Variants in MEG3 observed in about 807,000 individuals in gnomAD.
The protein encoded by MEG3 is maternally expressed 3.
intron 3 of MEG3, chr14:100,851,996 T>C: frequency 4.5e-6 from 1 of 221,306 alleles, no homozygotes; most frequent in Non-Finnish European, 9.3e-6. Context: ...TTGGGACATA[T>C]AAAAACACTG....
chr14:100,859,496 C>T (rs923134594), exon 1 of MEG3: 2 of 152,198 alleles, frequency 1.3e-5, no homozygotes, highest in Non-Finnish European at 2.9e-5. Flanking sequence ...GCTCCTCCGC[C>T]CCCCATGCCC....
chr14:100,836,890 C>T (rs11160607), intron 2 of MEG3, among the ~76,000 whole-genome samples: 34,831 of 152,120 alleles, frequency 0.23, 4,240 homozygotes, highest in Admixed American at 0.28. Flanking sequence ...TGCAATGAGA[C>T]GGGAATGTTT....
exon 1 of MEG3, chr14:100,859,164 T>C (rs1446437523): frequency 1.3e-5 from 2 of 152,272 alleles, no homozygotes; most frequent in Non-Finnish European, 2.9e-5. Flanking sequence ...AGGGTTTAAA[T>C]GGCTGGAAAG....
chr14:100,854,850 C>A, upstream of MEG3: 1 of 152,848 alleles, frequency 6.5e-6, no homozygotes, highest in Non-Finnish European at 1.5e-5. Flanking sequence ...CACATGTGGC[C>A]TCAGTGGTGG....
intron 2 of MEG3, among the ~76,000 whole-genome samples, chr14:100,843,590 G>T (rs2037823305): frequency 6.6e-6 from 1 of 152,204 alleles, no homozygotes; most frequent in Admixed American, 6.5e-5. Flanking sequence ...GAAGGGCAAG[G>T]CCAGGGAAGG....
At chr14:100,841,562 G>T (rs1004002857) in intron 2 of MEG3, among the ~76,000 whole-genome samples, 1 of 152,212 alleles carries the variant, frequency 6.6e-6, no homozygotes, top group Non-Finnish European at 1.5e-5. Flanking sequence ...CTTGCCCGAG[G>T]TTGCACGGTG....
chr14:100,828,044 C>T (rs2037292455), intron 1 of MEG3, among the ~76,000 whole-genome samples: 1 of 152,106 alleles, frequency 6.6e-6, no homozygotes, highest in Non-Finnish European at 1.5e-5. Context: ...CACAGGTGGG[C>T]TCTGGCTGGT....
chr14:100,828,558 A>T (rs115965828), intron 1 of MEG3: 1,687 of 98,024 alleles, frequency 0.017, 27 homozygotes, highest in African/African-American at 0.056. Context: ...CTTCCCTCCC[A>T]GCCCCTCCCT....
chr14:100,831,598 T>C (rs2037397845), downstream of MEG3: 2 of 152,420 alleles, frequency 1.3e-5, no homozygotes, highest in Admixed American at 6.5e-5. Context: ...AGGACACATT[T>C]TCATGCCTTC....
exon 1 of MEG3, chr14:100,859,495 C>T (rs536188208): frequency 2.0e-5 from 3 of 151,936 alleles, no homozygotes; most frequent in South Asian, 2.1e-4. Flanking sequence ...TGCTCCTCCG[C>T]CCCCCATGCC....
intron 2 of MEG3, among the ~76,000 whole-genome samples, chr14:100,839,641 T>C (rs1006196600): frequency 1.3e-5 from 2 of 152,100 alleles, no homozygotes; most frequent in Admixed American, 6.5e-5. Context: ...TGGCATGGAT[T>C]GGGTCAGTGT....
chr14:100,855,559 G>GC (rs1202550216), upstream of MEG3: 2 of 152,234 alleles, frequency 1.3e-5, no homozygotes, highest in Non-Finnish European at 2.9e-5. Context: ...CTTGCCTGGC[G>GC]CATGGTCCCT....
rs1024738392 is a variant in MEG3, at chr14:100,845,483, G to A, written n.3071G>A. On this transcript the variant is annotated non_coding_transcript_exon_variant, in exon 3 of 4. Transcript: ENST00000398461. The surrounding 1 kb of genome is among the most constrained non-coding windows in gnomAD (Gnocchi z 5.2). ...CGGAAGCCATCACCTGGATGCCTAC[G>A]TGGGAAGGGACCTCGAATGTGGGAC... The A allele has an allele frequency of 8.8e-6, 4 of 456,788 alleles. No homozygotes were observed. Among genetic ancestry groups the A allele is most frequent in the South Asian group, 3.1e-5 (2 of 64,564 alleles). The allele number at this position is 456,788 out of a possible 1,614,324, so 28.3% of individuals were successfully genotyped here.
chr14:100,857,101 GATTATT>G (rs1479021695), upstream of MEG3: 1 of 152,180 alleles, frequency 6.6e-6, no homozygotes, highest in Non-Finnish European at 1.5e-5. Context: ...TTTACTAAGA[GATTATT>G]ATTTTGCTCT....
chr14:100,827,098 G>A (rs1167706992), intron 1 of MEG3, among the ~76,000 whole-genome samples: 1 of 152,254 alleles, frequency 6.6e-6, no homozygotes, highest in East Asian at 1.9e-4. Flanking sequence ...TGCCGCGGGG[G>A]TCTTCAGAGC....
upstream of MEG3, chr14:100,852,867 G>C (rs2038127135): frequency 5.9e-6 from 1 of 169,760 alleles, no homozygotes; most frequent in South Asian, 1.2e-4. Flanking sequence ...GCCAATGAGA[G>C]CAGCTCTGGG....
At chr14:100,828,507 CT>C (rs1270239662) in intron 1 of MEG3, among the ~76,000 whole-genome samples, 1 of 43,556 alleles carries the variant, frequency 2.3e-5, no homozygotes, top group Non-Finnish European at 4.8e-5. Context: ...CTCTCCTCCC[CT>C]CTCCCTGCCC....
intron 1 of MEG3, among the ~76,000 whole-genome samples, chr14:100,828,334 CT>C (rs1157508003): frequency 1.3e-5 from 2 of 151,920 alleles, no homozygotes; most frequent in Non-Finnish European, 2.9e-5. Flanking sequence ...TCCTTACCCC[CT>C]CCCACTCCTC....
In MEG3 at chr14:100,845,660, C is replaced by T. The variant is rs905067123; in HGVS notation, n.3121+127C>T. On this transcript the variant is annotated intron_variant and non_coding_transcript_variant, in intron 3 of 3. Transcript: ENST00000398461. The surrounding 1 kb of genome is among the most constrained non-coding windows in gnomAD (Gnocchi z 5.2). ...CGGGCACTGGCCGGGGGTCTGTGCA[C>T]CGGGAGGTGGGTGCCCATCGAGTCA... is the stretch of plus-strand genomic sequence containing the variant. 2.3e-5 allele frequency: 8 copies of T among 345,346 alleles called. No individual in the cohort carries two copies. In the East Asian group the frequency reaches 6.9e-4, roughly 30 times the overall value. The allele number at this position is 345,346 out of a possible 1,614,324, so 21.4% of individuals were successfully genotyped here. A position where few individuals can be genotyped will look rare whatever the true frequency, so the allele number is the denominator to read the frequency against.
Sources: gnomAD v4.1 joint callset for allele counts (sites outside exome capture counted in the v4.1 genomes callset) on GRCh38, gnomAD v4.1.1 for gene constraint, Gnocchi (gnomAD v3.1) non-coding constraint, MANE v1.5 for transcripts, NCBI Gene and HGNC (gene_info 2026-07-23, HGNC 2026-07-21) for gene names.